SLC1A6: variants seen among roughly 807,000 people sequenced by gnomAD.
SLC1A6 encodes the protein excitatory amino acid transporter 4.
SLC1A6 carries 15 observed loss-of-function variants against 42.1 expected under a neutral mutation model. That is an observed-to-expected ratio of 0.36 (90% CI 0.24 to 0.55). The LOEUF (loss-of-function observed/expected upper bound fraction) is 0.55, where lower values mean the gene tolerates loss of function less well. Ranked by LOEUF, SLC1A6 falls within the 20% of genes least tolerant of loss-of-function variation. The probability of loss-of-function intolerance (pLI) is 0.88; values close to 1 mark genes in which losing one functional copy is unlikely to be tolerated. For missense variants in SLC1A6, 542 were observed against 772.5 expected (o/e 0.70, Z 3.54); for synonymous variants, 317 against 319.7 (o/e 0.99, Z 0.09).
At chr19:15,002,317 T>C (rs2045875916) in intron 1 of SLC1A6, among the ~76,000 whole-genome samples, 1 of 152,076 alleles carries the variant, frequency 6.6e-6, no homozygotes, top group Admixed American at 6.6e-5. Flanking sequence ...TTTTTGTTTT[T>C]AAGAAACAGG....
At chr19:15,008,714 T>C (rs1442064190) in intron 1 of SLC1A6, among the ~76,000 whole-genome samples, 1 of 152,136 alleles carries the variant, frequency 6.6e-6, no homozygotes, top group Non-Finnish European at 1.5e-5. Context: ...CTGGGTGCGG[T>C]GATTTCCCCC....
chr19:14,952,950 T>C lies in SLC1A6; in HGVS notation c.1477A>G (p.Ile493Val). The C allele has an allele frequency of 6.2e-7, 1 of 1,613,890 alleles. No individual in the cohort carries two copies. Among genetic ancestry groups the C allele is most frequent in the Non-Finnish European group, 8.5e-7 (1 of 1,179,932 alleles). Residue 493 changes from isoleucine (I) to valine (V), a missense_variant, in exon 9 of 10, where the codon ATC (isoleucine) becomes GTC (valine). Ile to Val is a conservative substitution (Grantham distance 29). Coordinates refer to ENST00000594383, the MANE Select transcript of SLC1A6 (RefSeq NM_005071.3). ...VGLPTEDITLIIAVDWFLDRL... is the reference protein window; with the variant it reads ...VGLPTEDITLVIAVDWFLDRL... The stretch of plus-strand genomic sequence containing the variant: ...CACAGGAACCAGTCCACGGCAATGA[T>C]GAGCGTGATGTCTTCCGTGGGCAAG...
At chr19:14,957,535 A>G (rs2045473719) in intron 6 of SLC1A6, among the ~76,000 whole-genome samples, 1 of 152,206 alleles carries the variant, frequency 6.6e-6, no homozygotes, top group South Asian at 2.1e-4. Context: ...TCCATGAACC[A>G]GAAGACAGCC....
At chr19:15,002,455 C>A (rs565063400) in intron 1 of SLC1A6, among the ~76,000 whole-genome samples, 1 of 152,160 alleles carries the variant, frequency 6.6e-6, no homozygotes, top group African/African-American at 2.4e-5. Flanking sequence ...TCAGAGTGAG[C>A]AAGTGAAAGA....
Position 14,956,611 on chromosome 19 carries a change from G to A in SLC1A6, c.1034C>T (p.Thr345Ile). The A allele has an allele frequency of 6.2e-7, 1 of 1,613,904 alleles. No individual in the cohort carries two copies. Among genetic ancestry groups the A allele is most frequent in the Non-Finnish European group, 8.5e-7 (1 of 1,179,876 alleles). ...ATGGAGGAACAGGCCCACGATGACGGTCAGGGTGTACATGCCCAGCTGACC... is the reference window on the plus strand; with the variant it reads ...ATGGAGGAACAGGCCCACGATGACGATCAGGGTGTACATGCCCAGCTGACC... Reference protein sequence around the residue: ...LGGQLGMYTLTVIVGLFLHAG... With the variant: ...LGGQLGMYTLIVIVGLFLHAG... The change falls in exon 7 of 10, where the codon ACC (threonine) becomes ATC (isoleucine). Residue 345 changes from threonine (T) to isoleucine (I), a missense_variant. Transcript: ENST00000594383.
At chr19:14,995,631 AAT>A (rs1474582682) in intron 1 of SLC1A6, among the ~76,000 whole-genome samples, 1 of 152,016 alleles carries the variant, frequency 6.6e-6, no homozygotes. Flanking sequence ...GTCATTCCAC[AAT>A]ATATATATAC....
Position 14,979,033 on chromosome 19 carries a change from GTCTCTC to G in SLC1A6, c.-8+270_-8+275del, listed in dbSNP as rs1386503643. 3.0e-5 allele frequency among the ~76,000 whole-genome samples: 3 copies of G among 101,106 alleles called. No individual in the cohort carries two copies. The highest frequency in any genetic ancestry group is 3.4e-4 in the South Asian group (1 of 2,934). 66.3% of individuals were successfully genotyped at this position (101,106 alleles called of 152,430 possible). A position where few individuals can be genotyped will look rare whatever the true frequency, so the allele number is the denominator to read the frequency against. ...GACGGCGATCCCACTCACAAATTCA[GTCTCTC>G]TCTCTCTCTGTCACACACACACACA... is the stretch of plus-strand genomic sequence containing the variant. On this transcript the variant is annotated intron_variant, in intron 1 of 9. Transcript: ENST00000594383. This position sits in a 1 kb window ranked among gnomAD's most constrained non-coding sequence, Gnocchi z 4.2.
At chr19:14,998,003 T>TTGTG (rs58791691) in intron 1 of SLC1A6, among the ~76,000 whole-genome samples, 23 of 140,526 alleles carry the variant, frequency 1.6e-4, no homozygotes, top group African/African-American at 4.9e-4. Context: ...AATATGATGT[T>TTGTG]TGTGTGTGTG....
At chr19:14,995,557 C>G (rs2045842226) in intron 1 of SLC1A6, among the ~76,000 whole-genome samples, 1 of 151,924 alleles carries the variant, frequency 6.6e-6, no homozygotes, top group African/African-American at 2.4e-5. Context: ...CGAACAGATG[C>G]AAATGCTTCA....
intron 1 of SLC1A6, among the ~76,000 whole-genome samples, chr19:14,994,534 T>C (rs2045835970): frequency 1.3e-5 from 2 of 152,190 alleles, no homozygotes; most frequent in South Asian, 2.1e-4. Flanking sequence ...CTACCCTCCA[T>C]CTTTCTCCAG....
intron 8 of SLC1A6, among the ~76,000 whole-genome samples, chr19:14,953,557 G>A (rs2045433054): frequency 2.0e-5 from 3 of 151,814 alleles, no homozygotes; most frequent in Non-Finnish European, 4.4e-5. Flanking sequence ...GCCTGACAGA[G>A]CTTACATTCT....
At chr19:15,005,404 A>C (rs1479625569) in intron 1 of SLC1A6, among the ~76,000 whole-genome samples, 1 of 151,800 alleles carries the variant, frequency 6.6e-6, no homozygotes, top group Non-Finnish European at 1.5e-5. Context: ...AGCTACTCAG[A>C]AGGCTGAGGC....
intron 1 of SLC1A6, among the ~76,000 whole-genome samples, chr19:14,992,886 G>A (rs894223114): frequency 1.3e-5 from 2 of 152,118 alleles, no homozygotes; most frequent in African/African-American, 4.8e-5. Context: ...AGGAATTGAG[G>A]CTAATTCCTC....
At chr19:14,965,532 A>G (rs2045564358) in intron 4 of SLC1A6, among the ~76,000 whole-genome samples, 1 of 152,138 alleles carries the variant, frequency 6.6e-6, no homozygotes, top group African/African-American at 2.4e-5. Flanking sequence ...TATGTACACC[A>G]TGGAATACTA....
Position 14,976,141 on chromosome 19 carries a change from G to T in SLC1A6, c.-8+3168C>A, listed in dbSNP as rs140956989. 2.2e-4 allele frequency among the ~76,000 whole-genome samples: 34 copies of T among 152,220 alleles called. 1 individual carries two copies. Among genetic ancestry groups the T allele is most frequent in the African/African-American group, 7.9e-4 (33 of 41,526 alleles). On this transcript the variant is annotated intron_variant, in intron 1 of 9. Transcript: ENST00000594383. ...GACAACAGTATGGAGATTTCTCAAAGAACTCCATCCCATCCAGAAACCTCC... is the reference window on the plus strand; with the variant it reads ...GACAACAGTATGGAGATTTCTCAAATAACTCCATCCCATCCAGAAACCTCC...
At chr19:14,967,426 A>G (rs976056019) in intron 4 of SLC1A6, among the ~76,000 whole-genome samples, 2 of 152,182 alleles carry the variant, frequency 1.3e-5, no homozygotes, top group Non-Finnish European at 2.9e-5. Context: ...GGACCCCAGA[A>G]CAACTTTAAA....
In SLC1A6 at chr19:14,993,394, A is replaced by G. The variant is rs183036874; in HGVS notation, c.6+17091T>C. 2.5e-3 allele frequency among the ~76,000 whole-genome samples: 382 copies of G among 152,236 alleles called. 1 individual carries two copies. The highest frequency in any genetic ancestry group is 8.7e-3 in the African/African-American group (360 of 41,544). ...GACGGTAGCACAGCACTGCAAATGT[A>G]CTAAAGTCACTGAACCGTCAACTTT... On this transcript the variant is annotated intron_variant, in intron 1 of 8. Transcript: ENST00000430939.
At chr19:14,967,310 TAG>T (rs1448842407) in intron 4 of SLC1A6, among the ~76,000 whole-genome samples, 3 of 152,136 alleles carry the variant, frequency 2.0e-5, no homozygotes, top group Non-Finnish European at 2.9e-5. Context: ...TTGTTGCAAG[TAG>T]AGTCAGAAAT....
At chr19:15,001,648 G>A (rs185746727) in intron 1 of SLC1A6, among the ~76,000 whole-genome samples, 10 of 152,236 alleles carry the variant, frequency 6.6e-5, no homozygotes, top group Admixed American at 5.9e-4. Context: ...TGGTTGTAAA[G>A]CCACAGTCTT....
Sources: gnomAD v4.1 joint callset for allele counts (sites outside exome capture counted in the v4.1 genomes callset) on GRCh38, gnomAD v4.1.1 for gene constraint, Gnocchi (gnomAD v3.1) non-coding constraint, MANE v1.5 for transcripts, NCBI Gene and HGNC (gene_info 2026-07-23, HGNC 2026-07-21) for gene names.